Variants in ZBTB20 observed in about 807,000 individuals in gnomAD.
ZBTB20 encodes the protein zinc finger and BTB domain-containing protein 20.
Under a neutral mutation model 56.9 loss-of-function variants are expected in ZBTB20, and 9 were observed. The ratio of observed to expected loss-of-function variants is 0.16; its 90% CI spans 0.10 to 0.28. The LOEUF (loss-of-function observed/expected upper bound fraction) is 0.28. Among genes scored for constraint, ZBTB20 ranks in the 10% least tolerant of loss-of-function variants. ZBTB20 has a pLI of 1.00. For missense variants in ZBTB20, 655 were observed against 1,003.0 expected (o/e 0.65, Z 4.69); for synonymous variants, 417 against 420.7 (o/e 0.99, Z 0.11).
At position 114,515,232 on chromosome 3, in the gene ZBTB20, G is replaced by T. The variant is rs369176518; in HGVS notation, c.-294-14841C>A. Among the ~76,000 whole-genome samples the T allele has an allele frequency of 7.9e-5, 12 of 152,232 alleles. No individual in the cohort carries two copies. In the South Asian group the frequency reaches 1.0e-3, roughly 13 times the overall value. ...CTCACCCTGACTTTTTGGTTTTCTT[G>T]TTTTTTCCTCTTTTCTCCCAGACTA... On this transcript the variant is annotated intron_variant, in intron 6 of 11. Transcript: ENST00000675478.
chr3:114,799,733 T>C (rs1445608502), intron 5 of ZBTB20, among the ~76,000 whole-genome samples: 1 of 151,914 alleles, frequency 6.6e-6, no homozygotes, highest in Non-Finnish European at 1.5e-5. Context: ...TATTCACTCA[T>C]ACCAGCCAGG....
chr3:114,854,689 C>T (rs948634543), intron 4 of ZBTB20, among the ~76,000 whole-genome samples: 1 of 152,128 alleles, frequency 6.6e-6, no homozygotes. Context: ...ATCACTGATA[C>T]CCTGCAGGGC....
intron 7 of ZBTB20, among the ~76,000 whole-genome samples, chr3:114,429,937 G>T (rs2089995713): frequency 6.6e-6 from 1 of 152,112 alleles, no homozygotes. Context: ...GGTGGGCTGG[G>T]GTGGGATGGG....
chr3:114,894,282 T>C (rs887824674), intron 4 of ZBTB20, among the ~76,000 whole-genome samples: 1 of 152,238 alleles, frequency 6.6e-6, no homozygotes, highest in African/African-American at 2.4e-5. Context: ...TCATAAAACA[T>C]ATATGCATAC....
At chr3:114,993,923 G>T (rs1164290447) in intron 2 of ZBTB20, among the ~76,000 whole-genome samples, 1 of 151,662 alleles carries the variant, frequency 6.6e-6, no homozygotes, top group African/African-American at 2.4e-5. Context: ...TTAATAACAT[G>T]AAACAAATGT....
chr3:115,114,686 A>G (rs2083970579), intron 1 of ZBTB20, among the ~76,000 whole-genome samples: 1 of 152,128 alleles, frequency 6.6e-6, no homozygotes. Flanking sequence ...GGTTTTTGGC[A>G]AGAAAATCAC....
chr3:114,885,572 CTT>C (rs5851939), intron 4 of ZBTB20, among the ~76,000 whole-genome samples: 130,444 of 150,568 alleles, frequency 0.87, 57,429 homozygotes, highest in East Asian at 0.99. Context: ...ATAGTTTCTT[CTT>C]TTTTTTTTTT....
intron 6 of ZBTB20, among the ~76,000 whole-genome samples, chr3:114,626,774 G>C (rs2058677822): frequency 6.6e-6 from 1 of 152,148 alleles, no homozygotes; most frequent in South Asian, 2.1e-4. Flanking sequence ...AAAAGCAACA[G>C]GATAAAAGTG....
intron 5 of ZBTB20, among the ~76,000 whole-genome samples, chr3:114,759,819 G>C (rs906467919): frequency 6.6e-6 from 1 of 152,018 alleles, no homozygotes; most frequent in African/African-American, 2.4e-5. Flanking sequence ...TGAGAATTTT[G>C]CTTGAAAGTA....
At position 115,084,971 on chromosome 3, in the gene ZBTB20, T is replaced by TG. The variant is rs2082932147; in HGVS notation, c.-702-13558_-702-13557insC. ...CTTACTTAACGCTTTCCTGTTTTGT[T>TG]TTGTTGTTGTTGTTGTTGTTGTTTT... is the stretch of plus-strand genomic sequence containing the variant. On this transcript the variant is annotated intron_variant, in intron 1 of 11. Transcript: ENST00000675478. 5.3e-5 allele frequency among the ~76,000 whole-genome samples: 8 copies of TG among 151,940 alleles called. 1 individual carries two copies. The South Asian group carries it at 1.7e-3, about 32-fold the overall frequency.
intron 7 of ZBTB20, among the ~76,000 whole-genome samples, chr3:114,389,740 T>A (rs1025136131): frequency 6.6e-5 from 10 of 151,044 alleles, no homozygotes; most frequent in African/African-American, 2.2e-4. Context: ...TGCAAAAAAA[T>A]TAGCCAGGCG....
intron 6 of ZBTB20, among the ~76,000 whole-genome samples, chr3:114,524,032 G>C (rs745526759): frequency 2.0e-5 from 3 of 152,136 alleles, no homozygotes; most frequent in Non-Finnish European, 4.4e-5. Flanking sequence ...CAGTATAGTT[G>C]AGATTTGTCA....
chr3:115,000,247 TG>T (rs1432237398), intron 2 of ZBTB20, among the ~76,000 whole-genome samples: 5 of 151,610 alleles, frequency 3.3e-5, no homozygotes, highest in African/African-American at 1.2e-4. Flanking sequence ...CAGATCTGAA[TG>T]TAGATGATTT....
At position 114,322,098 on chromosome 3, in the gene ZBTB20, T is replaced by C. The variant is rs559951025; in HGVS notation, c.*16907A>G. ...GTTGTCTGACTCTCCCACCGGTCACTGCTGTTGGCTCTGGCCATACAGAAC... is the reference window on the plus strand; with the variant it reads ...GTTGTCTGACTCTCCCACCGGTCACCGCTGTTGGCTCTGGCCATACAGAAC... On this transcript the variant is annotated 3_prime_UTR_variant, in exon 12 of 12. Coordinates refer to ENST00000675478, the MANE Select transcript of ZBTB20 (RefSeq NM_001348800.3). 3 of 152,380 alleles carry C rather than the reference T, an allele frequency of 2.0e-5. No individual in the cohort carries two copies. Among genetic ancestry groups the C allele is most frequent in the Admixed American group, 6.5e-5 (1 of 15,296 alleles). 9.4% of individuals were successfully genotyped at this position (152,380 alleles called of 1,614,324 possible).
chr3:114,974,063 T>TAAAAAAAAAAA (rs74552088), intron 3 of ZBTB20, among the ~76,000 whole-genome samples: 1 of 108,652 alleles, frequency 9.2e-6, no homozygotes. Flanking sequence ...CCAAACCAGT[T>TAAAAAAAAAAA]AAAAAAAAAA....
At chr3:114,592,503 T>C (rs2055874173) in intron 6 of ZBTB20, among the ~76,000 whole-genome samples, 1 of 152,120 alleles carries the variant, frequency 6.6e-6, no homozygotes, top group Non-Finnish European at 1.5e-5. Context: ...AAATAGTGAG[T>C]TTCCTTTTGG....
chr3:114,585,723 T>C (rs1424975590), intron 6 of ZBTB20, among the ~76,000 whole-genome samples: 1 of 152,204 alleles, frequency 6.6e-6, no homozygotes. Context: ...CTCTGCTCTG[T>C]TAGGGTTCTT....
chr3:114,882,911 A>G (rs1308269178), intron 4 of ZBTB20, among the ~76,000 whole-genome samples: 1 of 152,148 alleles, frequency 6.6e-6, no homozygotes. Flanking sequence ...AAGATTGTTC[A>G]GTGTAATGGT....
rs1003448297 is a variant in ZBTB20 at position 114,773,226 on chromosome 3, A to T, written c.-343+27875T>A. ...TGGCCTTGTAAAGCCTACAGCAGAG[A>T]AACTGGTAGAGCCAATCTAAACTTC... On this transcript the variant is annotated intron_variant, in intron 5 of 11. Transcript: ENST00000675478. Among the ~76,000 whole-genome samples the T allele has an allele frequency of 3.9e-5, 6 of 152,312 alleles. No homozygotes were observed. The Middle Eastern group carries it at 0.01, about 259-fold the overall frequency.
Sources: allele counts gnomAD v4.1 joint callset (sites outside exome capture counted in the v4.1 genomes callset), GRCh38; gene constraint gnomAD v4.1.1; transcripts MANE v1.5; gene names NCBI Gene and HGNC (gene_info 2026-07-23, HGNC 2026-07-21).